PDE4B: variants seen among roughly 807,000 people sequenced by gnomAD.
PDE4B encodes the protein 3',5'-cyclic-AMP phosphodiesterase 4B.
In PDE4B, 20 loss-of-function variants were observed where a neutral mutation model predicts 82.2. The observed-to-expected ratio is 0.24, with a 90% CI of 0.17 to 0.35. PDE4B has a LOEUF of 0.35. Ranked by LOEUF, PDE4B falls within the 10% of genes least tolerant of loss-of-function variation. The pLI is 1.00. For missense variants in PDE4B, 655 were observed against 907.2 expected, an observed-to-expected ratio of 0.72 and a Z score of 3.57; for synonymous variants, 320 against 318.9, an observed-to-expected ratio of 1.00 and a Z score of -0.04.
At chr1:66,341,488 A>G (rs1004106964) in intron 8 of PDE4B, among the ~76,000 whole-genome samples, 4 of 152,234 alleles carry the variant, frequency 2.6e-5, no homozygotes, top group Non-Finnish European at 5.9e-5. Context: ...CTGAAAATTT[A>G]GTGATCAAAA....
rs142064190 is a variant in PDE4B, at chr1:66,012,540, C to A, written c.281+93705C>A. 1.6e-4 allele frequency among the ~76,000 whole-genome samples: 24 copies of A among 152,206 alleles called. No individual in the cohort carries two copies. In the East Asian group the frequency reaches 4.1e-3, roughly 26 times the overall value. On this transcript the variant is annotated intron_variant, in intron 3 of 16. Coordinates refer to ENST00000341517, the MANE Select transcript of PDE4B (RefSeq NM_002600.4). ...TGTGCACACCATGACAACAGGCTCA[C>A]ACCCCACTTCCTTCTGTGCCGTTTG...
intron 1 of PDE4B, among the ~76,000 whole-genome samples, chr1:65,887,119 TC>T (rs887817426): frequency 6.8e-6 from 1 of 146,786 alleles, no homozygotes; most frequent in Non-Finnish European, 1.5e-5. Flanking sequence ...TTTCCCTCCC[TC>T]CCTCCTTCCC....
At chr1:66,153,053 A>G (rs1646434540) in intron 3 of PDE4B, among the ~76,000 whole-genome samples, 1 of 152,198 alleles carries the variant, frequency 6.6e-6, no homozygotes, top group South Asian at 2.1e-4. Context: ...AGCCTAGCCA[A>G]GTTGATACAT....
At chr1:66,068,540 A>G (rs568701897) in intron 3 of PDE4B, among the ~76,000 whole-genome samples, 1 of 152,022 alleles carries the variant, frequency 6.6e-6, no homozygotes, top group African/African-American at 2.4e-5. Context: ...CATCAAGTTG[A>G]TTTTCTATCT....
At chr1:66,027,554 T>A (rs1653515625) in intron 3 of PDE4B, among the ~76,000 whole-genome samples, 1 of 152,152 alleles carries the variant, frequency 6.6e-6, no homozygotes, top group African/African-American at 2.4e-5. Flanking sequence ...CGTGACAGCA[T>A]TAACCCAAAA....
intron 3 of PDE4B, among the ~76,000 whole-genome samples, chr1:65,922,790 G>A (rs1278964224): frequency 6.6e-6 from 1 of 152,140 alleles, no homozygotes; most frequent in African/African-American, 2.4e-5. Flanking sequence ...GAAAGAGGCT[G>A]GAAATGTGAT....
At chr1:65,955,899 T>C (rs1649234367) in intron 3 of PDE4B, among the ~76,000 whole-genome samples, 1 of 152,124 alleles carries the variant, frequency 6.6e-6, no homozygotes, top group South Asian at 2.1e-4. Context: ...GGAGCTGAAA[T>C]ATGGGATAAT....
At chr1:66,298,440 G>A (rs1231167969) in intron 7 of PDE4B, among the ~76,000 whole-genome samples, 1 of 152,160 alleles carries the variant, frequency 6.6e-6, no homozygotes, top group African/African-American at 2.4e-5. Context: ...CCCCTACTAT[G>A]TGCCAGATAC....
chr1:65,793,821 G>A (rs1645601602), intron 1 of PDE4B, among the ~76,000 whole-genome samples: 1 of 152,206 alleles, frequency 6.6e-6, no homozygotes, highest in South Asian at 2.1e-4. Context: ...CTACAAGAGT[G>A]TGTTGGGGAA....
At chr1:65,870,308 G>A (rs1048598807) in intron 1 of PDE4B, among the ~76,000 whole-genome samples, 5 of 152,002 alleles carry the variant, frequency 3.3e-5, no homozygotes, top group Non-Finnish European at 5.9e-5. Context: ...ATCATGTCTG[G>A]ATGCTCACAA....
intron 3 of PDE4B, among the ~76,000 whole-genome samples, chr1:65,964,141 A>T (rs1473177945): frequency 6.6e-6 from 1 of 152,180 alleles, no homozygotes; most frequent in Non-Finnish European, 1.5e-5. Flanking sequence ...GGTCAGGCAC[A>T]TGGGTGAGCT....
At chr1:65,958,163 T>C (rs910778796) in intron 3 of PDE4B, among the ~76,000 whole-genome samples, 1 of 152,114 alleles carries the variant, frequency 6.6e-6, no homozygotes, top group Non-Finnish European at 1.5e-5. Flanking sequence ...TTTGCGTTCT[T>C]AGCTTTATAA....
chr1:66,006,293 G>A (rs116323073), intron 3 of PDE4B, among the ~76,000 whole-genome samples: 1,533 of 152,238 alleles, frequency 0.01, 21 homozygotes, highest in African/African-American at 0.035. Context: ...TGGGTGGCTA[G>A]TATTTTCGTT....
chr1:66,284,638 C>T (rs1656539450), intron 7 of PDE4B, among the ~76,000 whole-genome samples: 1 of 151,972 alleles, frequency 6.6e-6, no homozygotes, highest in African/African-American at 2.4e-5. Flanking sequence ...CACTTCACTC[C>T]TACTGGGCAA....
At chr1:66,318,640 A>G (rs1292163562) in intron 7 of PDE4B, among the ~76,000 whole-genome samples, 1 of 152,232 alleles carries the variant, frequency 6.6e-6, no homozygotes, top group South Asian at 2.1e-4. Context: ...TAGAAATATA[A>G]TAAACACTCT....
chr1:66,037,017 C>T (rs529934518), intron 3 of PDE4B, among the ~76,000 whole-genome samples: 45 of 150,074 alleles, frequency 3.0e-4, no homozygotes, highest in African/African-American at 1.1e-3. Flanking sequence ...CCTGTAGTCC[C>T]AACTACTTGG....
intron 16 of PDE4B, among the ~76,000 whole-genome samples, chr1:66,371,710 G>A (rs1472681608): frequency 6.6e-6 from 1 of 152,148 alleles, no homozygotes; most frequent in Non-Finnish European, 1.5e-5. Flanking sequence ...CCAGCCAAAA[G>A]CATTCCACAG....
intron 3 of PDE4B, among the ~76,000 whole-genome samples, chr1:65,981,545 CT>C (rs35405572): frequency 0.69 from 96,098 of 140,198 alleles, 32,257 homozygotes; most frequent in Middle Eastern, 0.73. Context: ...TTCATGTTTC[CT>C]TTTTTTTTTT....
chr1:65,930,465 C>G (rs893682662), intron 3 of PDE4B, among the ~76,000 whole-genome samples: 1 of 152,232 alleles, frequency 6.6e-6, no homozygotes, highest in Non-Finnish European at 1.5e-5. Flanking sequence ...TCAATGCCAG[C>G]CCTTGAGAGC....
Sources: gnomAD v4.1 joint callset for allele counts (sites outside exome capture counted in the v4.1 genomes callset) on GRCh38, gnomAD v4.1.1 for gene constraint, MANE v1.5 for transcripts, NCBI Gene and HGNC (gene_info 2026-07-23, HGNC 2026-07-21) for gene names.